The following FMN1 variants were observed in gnomAD, a reference collection of about 807,000 sequenced individuals.
FMN1 encodes the protein formin-1.
FMN1 carries 110 observed loss-of-function variants against 132.4 expected under a neutral mutation model. That is an observed-to-expected ratio of 0.83 (90% CI 0.71 to 0.97). The LOEUF is 0.97. FMN1 is among the 50% of genes least tolerant of loss of function. FMN1 has a pLI of 0.00. For missense variants in FMN1, 1,792 were observed against 1,705.3 expected (o/e 1.05, Z -0.90); for synonymous variants, 722 against 651.7 (o/e 1.11, Z -1.64).
At chr15:32,934,463 G>A (rs977569290) in intron 9 of FMN1, among the ~76,000 whole-genome samples, 18 of 151,926 alleles carry the variant, frequency 1.2e-4, no homozygotes, top group African/African-American at 2.9e-4. Flanking sequence ...GTGTTGCTAT[G>A]TCATGCCCTT....
chr15:32,821,449 C>CT (rs34336647), intron 17 of FMN1, among the ~76,000 whole-genome samples: 56,727 of 109,784 alleles, frequency 0.52, 16,947 homozygotes, highest in Non-Finnish European at 0.62. Flanking sequence ...ATATTTAAAT[C>CT]TTTTTTTTTT....
At position 32,771,124 on chromosome 15, in the gene FMN1, G is replaced by A. The variant is rs2056223803; in HGVS notation, c.*3186C>T. 1 of 151,638 alleles carries A rather than the reference G, an allele frequency of 6.6e-6. No homozygotes were observed. The highest frequency in any genetic ancestry group is 6.6e-5 in the Admixed American group (1 of 15,232). 9.4% of individuals were successfully genotyped at this position (151,638 alleles called of 1,614,324 possible). ...GAAACGGAGTCTCACTGTCGCCCAG[G>A]CTGGAGTGCAGTGGTGCTATCTCGG... On this transcript the variant is annotated 3_prime_UTR_variant, in exon 21 of 21. Transcript: ENST00000616417.
At chr15:32,827,564 A>C (rs940279041) in intron 17 of FMN1, among the ~76,000 whole-genome samples, 3 of 152,222 alleles carry the variant, frequency 2.0e-5, no homozygotes, top group Non-Finnish European at 4.4e-5. Context: ...AAGAAAGGAC[A>C]TACAGGCCGG....
intron 6 of FMN1, among the ~76,000 whole-genome samples, chr15:33,020,022 C>G (rs1318619659): frequency 6.6e-6 from 1 of 152,064 alleles, no homozygotes; most frequent in Non-Finnish European, 1.5e-5. Flanking sequence ...CATGCTGTCA[C>G]CTCTCACTAT....
At chr15:32,970,146 T>C (rs1404627027) in intron 7 of FMN1, among the ~76,000 whole-genome samples, 1 of 152,226 alleles carries the variant, frequency 6.6e-6, no homozygotes, top group Non-Finnish European at 1.5e-5. Flanking sequence ...CTTTAAAGTA[T>C]ATAAGACAGT....
intron 6 of FMN1, among the ~76,000 whole-genome samples, chr15:33,057,879 G>A (rs2141210730): frequency 6.6e-6 from 1 of 152,116 alleles, no homozygotes; most frequent in African/African-American, 2.4e-5. Flanking sequence ...GGTTTCTATG[G>A]AGAGGGGATC....
At chr15:33,058,391 C>T (rs886405264) in intron 6 of FMN1, among the ~76,000 whole-genome samples, 3 of 152,062 alleles carry the variant, frequency 2.0e-5, no homozygotes, top group Non-Finnish European at 2.9e-5. Flanking sequence ...CCAGTAAAAC[C>T]ACTGAAATAA....
intron 15 of FMN1, among the ~76,000 whole-genome samples, chr15:32,897,125 C>T (rs1342904053): frequency 6.6e-6 from 1 of 152,032 alleles, no homozygotes; most frequent in Non-Finnish European, 1.5e-5. Context: ...AACAGCCATC[C>T]TAAAAGGCAT....
At chr15:32,796,136 A>G (rs959544916) in intron 19 of FMN1, among the ~76,000 whole-genome samples, 4 of 152,220 alleles carry the variant, frequency 2.6e-5, no homozygotes, top group African/African-American at 7.2e-5. Flanking sequence ...TTTGTATCAA[A>G]CTAATGTGTA....
At chr15:32,791,319 T>G (rs1318225126) in intron 19 of FMN1, among the ~76,000 whole-genome samples, 2 of 151,736 alleles carry the variant, frequency 1.3e-5, no homozygotes, top group Non-Finnish European at 2.9e-5. Context: ...ACTATGACAT[T>G]GAAAATTCAT....
intron 6 of FMN1, among the ~76,000 whole-genome samples, chr15:33,044,445 TC>T (rs1483249524): frequency 6.6e-6 from 1 of 151,960 alleles, no homozygotes; most frequent in Non-Finnish European, 1.5e-5. Flanking sequence ...TTTCCTCTCC[TC>T]CGAAGCCCAT....
chr15:33,097,027 C>G (rs927507811), intron 4 of FMN1, among the ~76,000 whole-genome samples: 2 of 152,110 alleles, frequency 1.3e-5, no homozygotes, highest in Admixed American at 1.3e-4. Context: ...GGCACAGCGG[C>G]TCATGCCTGT....
At chr15:33,030,330 G>C (rs1252863439) in intron 6 of FMN1, among the ~76,000 whole-genome samples, 2 of 152,164 alleles carry the variant, frequency 1.3e-5, no homozygotes, top group African/African-American at 2.4e-5. Flanking sequence ...AGAGACCAGA[G>C]ACCTGGTAGG....
intron 4 of FMN1, chr15:33,150,415 C>G (rs903329496): frequency 9.1e-6 from 9 of 985,478 alleles, no homozygotes; most frequent in Non-Finnish European, 1.1e-5. Context: ...AAAAACCTGA[C>G]TACCAGTTCT....
intron 6 of FMN1, among the ~76,000 whole-genome samples, chr15:33,056,915 A>G (rs1388132976): frequency 6.6e-6 from 1 of 152,210 alleles, no homozygotes; most frequent in East Asian, 1.9e-4. Flanking sequence ...AGTGGCTCAC[A>G]CCTGTAATCC....
intron 6 of FMN1, among the ~76,000 whole-genome samples, chr15:33,024,448 G>A (rs908408884): frequency 6.6e-6 from 1 of 151,430 alleles, no homozygotes; most frequent in Non-Finnish European, 1.5e-5. Context: ...GGGTTTCACC[G>A]TGTTAGCCAG....
At chr15:33,166,844 G>A (rs927815060) in intron 3 of FMN1, among the ~76,000 whole-genome samples, 3 of 152,144 alleles carry the variant, frequency 2.0e-5, no homozygotes, top group Non-Finnish European at 4.4e-5. Flanking sequence ...TCTACCCAGG[G>A]TAGAAAGGGC....
rs545827509 is a variant in FMN1, at chr15:32,817,822, T to C, written c.3929-13490A>G. ...ATCCTCCAGAGTCACCTTTCAATCA[T>C]AACTGTCATCCTCAGAGAAAAAGCT... On this transcript the variant is annotated intron_variant, in intron 17 of 20. Coordinates refer to ENST00000616417, the MANE Select transcript of FMN1 (RefSeq NM_001277313.2). 6.6e-5 allele frequency among the ~76,000 whole-genome samples: 10 copies of C among 152,358 alleles called. No individual in the cohort carries two copies. In the South Asian group the frequency reaches 2.1e-3, roughly 32 times the overall value.
intron 16 of FMN1, among the ~76,000 whole-genome samples, chr15:32,857,426 A>T (rs2059160874): frequency 6.6e-6 from 1 of 152,174 alleles, no homozygotes; most frequent in South Asian, 2.1e-4. Flanking sequence ...CCAAAGATAA[A>T]GAGAGGCAAA....
Sources: gnomAD v4.1 joint callset for allele counts (sites outside exome capture counted in the v4.1 genomes callset) on GRCh38, gnomAD v4.1.1 for gene constraint, MANE v1.5 for transcripts, NCBI Gene and HGNC (gene_info 2026-07-23, HGNC 2026-07-21) for gene names.